FBXO31: variants seen among roughly 807,000 people sequenced by gnomAD.
FBXO31 encodes F-box protein 31, also known as F-box only protein 31.
In FBXO31, 24 loss-of-function variants were observed where a neutral mutation model predicts 54.4. The ratio of observed to expected loss-of-function variants is 0.44; its 90% CI spans 0.32 to 0.62. FBXO31 has a LOEUF of 0.62. Ranked by LOEUF, FBXO31 falls within the 20% of genes least tolerant of loss-of-function variation. The probability of loss-of-function intolerance (pLI) is 0.05; values close to 1 mark genes in which losing one functional copy is unlikely to be tolerated. For synonymous variants in FBXO31, 388 were observed against 335.6 expected (o/e 1.16, Z -1.71); for missense variants, 665 against 787.1 (o/e 0.84, Z 1.86).
At chr16:87,387,196 G>T (rs563005546), upstream of FBXO31, among the ~76,000 whole-genome samples, 400 of 152,230 alleles carry the variant, frequency 2.6e-3, no homozygotes, top group African/African-American at 9.0e-3. Context: ...TGGTGGGAAG[G>T]AACCCAAGGG....
At chr16:87,339,551 G>T (rs528159308) in intron 5 of FBXO31, among the ~76,000 whole-genome samples, 1 of 152,186 alleles carries the variant, frequency 6.6e-6, no homozygotes, top group Non-Finnish European at 1.5e-5. Flanking sequence ...GTACAGCACC[G>T]TCAGCAGCCC....
At position 87,334,281 on chromosome 16, in the gene FBXO31, G is replaced by A; in HGVS notation, c.1002C>T (p.Asp334=). The A allele has an allele frequency of 1.3e-6, 2 of 1,573,576 alleles. No homozygotes were observed. The highest frequency in any genetic ancestry group is 1.7e-6 in the Non-Finnish European group (2 of 1,157,380). ...TCTGCTGCCCAGCGGGGATGTTGGG[G>A]TCGCCCTGTGGAGCAGGTGGCAGTC... is the stretch of plus-strand genomic sequence containing the variant. ...RRARGTKITG[D]PNIPAGQQTV... is the part of the protein sequence containing the mutation. The change falls in exon 8 of 9, where the codon GAC becomes GAT. Residue 334 remains aspartate (D), a synonymous_variant. Transcript: ENST00000311635.
intron 1 of FBXO31, among the ~76,000 whole-genome samples, chr16:87,370,271 G>C (rs1906541643): frequency 6.6e-6 from 1 of 152,218 alleles, no homozygotes; most frequent in Admixed American, 6.5e-5. Flanking sequence ...GCGTGGCCGA[G>C]CCCGCACTCA....
chr16:87,388,724 C>T (rs2150705007), upstream of FBXO31: 1 of 152,344 alleles, frequency 6.6e-6, no homozygotes, highest in Middle Eastern at 3.4e-3. Context: ...CAATTCTTAG[C>T]AGTTACATCA....
intron 1 of FBXO31, among the ~76,000 whole-genome samples, chr16:87,379,974 GGCAAGAGA>G (rs1907001372): frequency 6.6e-6 from 1 of 151,128 alleles, no homozygotes; most frequent in Non-Finnish European, 1.5e-5. Flanking sequence ...CTCCAGCCTG[GGCAAGAGA>G]GCGAGACTCC....
chr16:87,382,202 A>T (rs1443378230), intron 1 of FBXO31, among the ~76,000 whole-genome samples: 1 of 152,270 alleles, frequency 6.6e-6, no homozygotes, highest in Non-Finnish European at 1.5e-5. Flanking sequence ...TGCTACATGC[A>T]GGGAGTGAAA....
intron 1 of FBXO31, among the ~76,000 whole-genome samples, chr16:87,377,503 G>A (rs1354546683): frequency 1.3e-5 from 2 of 152,140 alleles, no homozygotes; most frequent in Non-Finnish European, 2.9e-5. Flanking sequence ...AAAAGCAAAT[G>A]ACTATAGACA....
At chr16:87,387,250 C>T (rs1242677755), upstream of FBXO31, among the ~76,000 whole-genome samples, 1 of 152,178 alleles carries the variant, frequency 6.6e-6, no homozygotes, top group Non-Finnish European at 1.5e-5. Flanking sequence ...TGAATCCTGA[C>T]AGCTGAATAC....
At chr16:87,368,007 T>C (rs1357237534) in intron 1 of FBXO31, 5 of 152,120 alleles carry the variant, frequency 3.3e-5, no homozygotes, top group African/African-American at 7.2e-5. Flanking sequence ...GAGTCCAAGG[T>C]TTTTAGCTAG....
intron 1 of FBXO31, among the ~76,000 whole-genome samples, chr16:87,362,340 G>T (rs973577704): frequency 1.3e-5 from 2 of 151,690 alleles, no homozygotes; most frequent in Admixed American, 6.6e-5. Context: ...TCACTATGTT[G>T]CCCAGGCTGT....
intron 5 of FBXO31, among the ~76,000 whole-genome samples, chr16:87,341,554 G>A (rs1043282942): frequency 6.6e-6 from 1 of 151,360 alleles, no homozygotes; most frequent in Non-Finnish European, 1.5e-5. Context: ...TCCTCAGGAG[G>A]CTGAGGCAGT....
At chr16:87,339,333 A>G (rs1338109675) in intron 5 of FBXO31, among the ~76,000 whole-genome samples, 1 of 152,156 alleles carries the variant, frequency 6.6e-6, no homozygotes, top group East Asian at 1.9e-4. Flanking sequence ...TCTGGCCTTT[A>G]GTGGAGAGGA....
At position 87,338,806 on chromosome 16, in the gene FBXO31, G is replaced by A. The variant is rs1182500551; in HGVS notation, c.733-2542C>T. 6.6e-6 allele frequency among the ~76,000 whole-genome samples: 1 copy of A among 152,176 alleles called. No homozygotes were observed. The highest frequency in any genetic ancestry group is 1.5e-5 in the Non-Finnish European group (1 of 68,034). On this transcript the variant is annotated intron_variant, in intron 5 of 8. Transcript: ENST00000311635. The surrounding 1 kb of genome is among the most constrained non-coding windows in gnomAD (Gnocchi z 4.3). Reference sequence around the variant, plus strand: ...TCCACTCCCTTGGAACCTGCTTGATGTGGTTTGGCTGTGTCCCCACCCAAA... The same window carrying A: ...TCCACTCCCTTGGAACCTGCTTGATATGGTTTGGCTGTGTCCCCACCCAAA...
Position 87,331,145 on chromosome 16 carries a change from G to T in FBXO31, c.*143C>A, listed in dbSNP as rs1904839322. The T allele has an allele frequency of 2.9e-6, 2 of 688,412 alleles. No individual in the cohort carries two copies. The highest frequency in any genetic ancestry group is 5.0e-6 in the Non-Finnish European group (2 of 398,890). The allele number at this position is 688,412 out of a possible 1,614,324, so 42.6% of individuals were successfully genotyped here. A position where few individuals can be genotyped will look rare whatever the true frequency, so the allele number is the denominator to read the frequency against. On this transcript the variant is annotated 3_prime_UTR_variant, in exon 9 of 9. Transcript: ENST00000311635. ...TGTCACACTCTCTACATAAAGTGCT[G>T]GGGGGTGGCTGGACTGGGCCCCCCG...
intron 5 of FBXO31, among the ~76,000 whole-genome samples, chr16:87,341,047 C>A (rs889310932): frequency 6.6e-6 from 1 of 152,096 alleles, no homozygotes; most frequent in Non-Finnish European, 1.5e-5. Flanking sequence ...GATCCCAAGA[C>A]ACTAGGCTGG....
chr16:87,339,788 T>C (rs1905136355), intron 5 of FBXO31, among the ~76,000 whole-genome samples: 1 of 151,926 alleles, frequency 6.6e-6, no homozygotes, highest in Non-Finnish European at 1.5e-5. Flanking sequence ...ACACAGCAAA[T>C]AAACAAGATG....
intron 1 of FBXO31, among the ~76,000 whole-genome samples, chr16:87,381,519 C>T (rs952448423): frequency 6.6e-6 from 1 of 152,204 alleles, no homozygotes; most frequent in Non-Finnish European, 1.5e-5. Flanking sequence ...TAAACACGAG[C>T]CTGGGCTGGG....
At chr16:87,362,102 C>T (rs539204950) in intron 1 of FBXO31, among the ~76,000 whole-genome samples, 27 of 147,908 alleles carry the variant, frequency 1.8e-4, no homozygotes, top group Non-Finnish European at 3.4e-4. Context: ...GAAGATCTCC[C>T]ACAGAGCCCA....
At position 87,336,141 on chromosome 16, in the gene FBXO31, G is replaced by A. The variant is rs1905040287; in HGVS notation, c.842+14C>T. On this transcript the variant is annotated intron_variant, in intron 6 of 8. Coordinates refer to ENST00000311635, the MANE Select transcript of FBXO31 (RefSeq NM_024735.5). The surrounding 1 kb of genome is among the most constrained non-coding windows in gnomAD (Gnocchi z 6.5). ...GAGAGGGCTACCCCAGCACCGAGCA[G>A]GAGCCGCACTCACTCGTACTGACTG... The A allele has an allele frequency of 1.2e-6, 2 of 1,609,736 alleles. No homozygotes were observed. The highest frequency in any genetic ancestry group is 1.1e-5 in the South Asian group (1 of 91,004).
Sources: allele counts gnomAD v4.1 joint callset (sites outside exome capture counted in the v4.1 genomes callset), GRCh38; gene constraint gnomAD v4.1.1; non-coding constraint Gnocchi (gnomAD v3.1); transcripts MANE v1.5; gene names NCBI Gene and HGNC (gene_info 2026-07-23, HGNC 2026-07-21).